Variants in SLC1A7 observed in about 807,000 individuals in gnomAD.
The protein encoded by SLC1A7 is excitatory amino acid transporter 5.
In SLC1A7, 40 loss-of-function variants were observed where a neutral mutation model predicts 47.7. That is an observed-to-expected ratio of 0.84 (90% CI 0.65 to 1.09). The LOEUF is 1.09. Ranked by LOEUF, SLC1A7 falls within the 50% of genes least tolerant of loss-of-function variation. SLC1A7 has a pLI of 0.00. For missense variants in SLC1A7, 746 were observed against 769.5 expected, an observed-to-expected ratio of 0.97 and a Z score of 0.36; for synonymous variants, 323 against 325.6, an observed-to-expected ratio of 0.99 and a Z score of 0.09.
rs139512971 is a variant in SLC1A7, at chr1:53,126,354, A to G, written c.215+7996T>C. On this transcript the variant is annotated intron_variant, in intron 2 of 10. Coordinates refer to ENST00000371494, the MANE Select transcript of SLC1A7 (RefSeq NM_006671.6). The stretch of plus-strand genomic sequence containing the variant: ...ATTTAAATGATTTTCTCCCTTTTTC[A>G]GAGCACATGTAATTGAATTCACTTA... Among the ~76,000 whole-genome samples, 27 of 152,302 alleles carry G rather than the reference A, an allele frequency of 1.8e-4. No homozygotes were observed. The East Asian group carries it at 5.0e-3, about 28-fold the overall frequency.
At position 53,088,065 on chromosome 1, in the gene SLC1A7, C is replaced by G. The variant is rs777144509; in HGVS notation, c.1627G>C (p.Ala543Pro). 1.2e-6 allele frequency: 2 copies of G among 1,602,896 alleles called. No individual in the cohort carries two copies. Among genetic ancestry groups the G allele is most frequent in the South Asian group, 2.2e-5 (2 of 89,208 alleles). The change falls in exon 11 of 11, where the codon GCT (alanine) becomes CCT (proline). Residue 543 changes from alanine to proline, a missense_variant. Transcript: ENST00000371494. ...ATGGTGCAGTGGTTCAGACTCGCAG[C>G]GGGCAGCTCCTCATCCTGCTCCACT... ...VQVEQDEELP[A>P]ASLNHCTIQI...
chr1:53,114,677 C>G (rs944212970), intron 3 of SLC1A7, 81 bp downstream of exon 3: 2 of 1,230,294 alleles, frequency 1.6e-6, no homozygotes, highest in Non-Finnish European at 2.4e-6. Context: ...CATCTCCACA[C>G]CCCGTCCTGG....
In SLC1A7 at chr1:53,088,244, G is replaced by C. The variant is rs911440951; in HGVS notation, c.1465-17C>G. On this transcript the variant is annotated splice_polypyrimidine_tract_variant and intron_variant, in intron 10 of 10. Coordinates refer to ENST00000371494, the MANE Select transcript of SLC1A7 (RefSeq NM_006671.6). ...CAGCAGTTTCTGGTGAAGGGAAACA[G>C]GTCTTTGTAGCAGCAGGAGGGACCA... 1.4e-5 allele frequency: 22 copies of C among 1,580,144 alleles called. No homozygotes were observed. The highest frequency in any genetic ancestry group is 1.9e-5 in the Non-Finnish European group (22 of 1,160,664).
At position 53,129,837 on chromosome 1, in the gene SLC1A7, G is replaced by A. The variant is rs542279649; in HGVS notation, c.215+4513C>T. Among the ~76,000 whole-genome samples the A allele has an allele frequency of 2.9e-4, 30 of 103,398 alleles. 6 individuals are homozygous for A. The East Asian group carries it at 4.4e-3, about 15-fold the overall frequency. 67.8% of individuals were successfully genotyped at this position (103,398 alleles called of 152,430 possible). On this transcript the variant is annotated intron_variant, in intron 2 of 10. Coordinates refer to ENST00000371494, the MANE Select transcript of SLC1A7 (RefSeq NM_006671.6). The stretch of plus-strand genomic sequence containing the variant: ...TCTGTCACGCTGAGTACCAGGCAGA[G>A]GTCAGTGTGAAAGACAAGGGGGTCA...
intron 3 of SLC1A7, among the ~76,000 whole-genome samples, chr1:53,106,034 G>A (rs1436790702): frequency 6.6e-6 from 1 of 152,038 alleles, no homozygotes; most frequent in East Asian, 1.9e-4. Context: ...CTGCCTCTTG[G>A]TCTGGTGAAC....
In SLC1A7 at chr1:53,088,036, C is replaced by T; in HGVS notation, c.1656G>A (p.Gln552=). ...AGACATTGGTCTCCAGCTCACTGAT[C>T]TGGATGGTGCAGTGGTTCAGACTCG... ...PAASLNHCTI[Q]ISELETNV Residue 552 remains glutamine (Q), a synonymous_variant, in exon 11 of 11, where the codon CAG becomes CAA. Coordinates refer to ENST00000371494, the MANE Select transcript of SLC1A7 (RefSeq NM_006671.6). The T allele has an allele frequency of 6.5e-7, 1 of 1,548,832 alleles. No individual in the cohort carries two copies. The highest frequency in any genetic ancestry group is 8.8e-7 in the Non-Finnish European group (1 of 1,141,104).
chr1:53,088,680 C>T (rs551326366), intron 10 of SLC1A7, among the ~76,000 whole-genome samples, 197 bp downstream of exon 10: 54 of 152,286 alleles, frequency 3.5e-4, no homozygotes, highest in African/African-American at 1.2e-3. Flanking sequence ...TCTATATCAG[C>T]GCCAGCCACA....
chr1:53,088,335 G>T, intron 10 of SLC1A7, 108 bp from the exon 11 acceptor site: 1 of 929,504 alleles, frequency 1.1e-6, no homozygotes, highest in Non-Finnish European at 1.6e-6. Context: ...GGAACCACAA[G>T]ATGGATTTTC....
At chr1:53,101,618 AC>A (rs1281909693) in intron 5 of SLC1A7, among the ~76,000 whole-genome samples, 1 of 136,434 alleles carries the variant, frequency 7.3e-6, no homozygotes, top group Admixed American at 7.2e-5. Context: ...CACACACCCC[AC>A]CTCAGTACAC....
At chr1:53,125,546 A>G (rs969780737) in intron 2 of SLC1A7, among the ~76,000 whole-genome samples, 7 of 152,168 alleles carry the variant, frequency 4.6e-5, no homozygotes, top group African/African-American at 1.7e-4. Flanking sequence ...CCCAGCCGAG[A>G]TGGCCTGGCA....
chr1:53,132,614 G>A (rs918732880), intron 2 of SLC1A7, among the ~76,000 whole-genome samples: 14 of 152,192 alleles, frequency 9.2e-5, no homozygotes, highest in Admixed American at 4.6e-4. Flanking sequence ...GGGAGGCTGA[G>A]GCAGGTGGAT....
chr1:53,130,477 G>T (rs1340649047), intron 2 of SLC1A7, among the ~76,000 whole-genome samples: 2 of 151,662 alleles, frequency 1.3e-5, no homozygotes, highest in Non-Finnish European at 2.9e-5. Flanking sequence ...GAGCCCAAAT[G>T]TAACCCCCTG....
chr1:53,135,829 G>A (rs993796658), intron 1 of SLC1A7, among the ~76,000 whole-genome samples: 1 of 152,216 alleles, frequency 6.6e-6, no homozygotes, highest in African/African-American at 2.4e-5. Context: ...TGTGGGCGAG[G>A]CAGGCAAATG....
chr1:53,136,187 A>G (rs1644991738), intron 1 of SLC1A7, among the ~76,000 whole-genome samples: 1 of 147,094 alleles, frequency 6.8e-6, no homozygotes, highest in South Asian at 2.1e-4. Flanking sequence ...ATATAATTAT[A>G]TATTATATAT....
chr1:53,089,075 CA>C, intron 9 of SLC1A7, 96 bp from the exon 10 acceptor site: 2 of 984,956 alleles, frequency 2.0e-6, no homozygotes, highest in Non-Finnish European at 3.2e-6. Context: ...GGCCGGTGAC[CA>C]GCTGTCATGC....
chr1:53,116,639 G>T (rs1261496399), intron 2 of SLC1A7, among the ~76,000 whole-genome samples: 1 of 152,182 alleles, frequency 6.6e-6, no homozygotes. Context: ...ATCCCACGCA[G>T]GGCCGGTGCG....
chr1:53,103,698 G>C, intron 4 of SLC1A7, 130 bp from the exon 5 acceptor site: 1 of 580,142 alleles, frequency 1.7e-6, no homozygotes, highest in Non-Finnish European at 3.0e-6. Flanking sequence ...CAGTAACCCT[G>C]TGAGGCAGGC....
chr1:53,136,020 C>G (rs1339116814), intron 1 of SLC1A7, among the ~76,000 whole-genome samples: 1 of 151,910 alleles, frequency 6.6e-6, no homozygotes, highest in Non-Finnish European at 1.5e-5. Context: ...GATGAGGAAG[C>G]TGAACCGCAA....
intron 5 of SLC1A7, 105 bp from the exon 6 acceptor site, chr1:53,093,665 C>A: frequency 2.9e-6 from 2 of 697,292 alleles, no homozygotes; most frequent in Non-Finnish European, 4.9e-6. Flanking sequence ...CTCCAGCACT[C>A]CCCCCACTCC....
Sources: allele counts gnomAD v4.1 joint callset (sites outside exome capture counted in the v4.1 genomes callset), GRCh38; gene constraint gnomAD v4.1.1; transcripts MANE v1.5; gene names NCBI Gene and HGNC (gene_info 2026-07-23, HGNC 2026-07-21).